ITGAM: variants seen among roughly 807,000 people sequenced by gnomAD.
ITGAM encodes the protein integrin subunit alpha M.
ITGAM carries 79 observed loss-of-function variants against 137.5 expected under a neutral mutation model. The ratio of observed to expected loss-of-function variants is 0.57; its 90% CI spans 0.48 to 0.69. The LOEUF (loss-of-function observed/expected upper bound fraction) is 0.69. Ranked by LOEUF, ITGAM falls within the 30% of genes least tolerant of loss-of-function variation. ITGAM has a pLI of 0.00. For synonymous variants in ITGAM, 583 were observed against 592.3 expected, an observed-to-expected ratio of 0.98 and a Z score of 0.23; for missense variants, 1,343 against 1,483.5, an observed-to-expected ratio of 0.91 and a Z score of 1.56.
At chr16:31,272,463 A>ATTTT (rs1157912736) in intron 7 of ITGAM, among the ~76,000 whole-genome samples, 1 of 10,892 alleles carries the variant, frequency 9.2e-5, no homozygotes, top group Non-Finnish European at 1.5e-4. Context: ...ATATATATAT[A>ATTTT]TTTTTTTTTT....
chr16:31,308,136 T>A (rs977588157), intron 14 of ITGAM, among the ~76,000 whole-genome samples: 3 of 152,218 alleles, frequency 2.0e-5, no homozygotes, highest in African/African-American at 7.2e-5. Context: ...CTGCCAGGCT[T>A]TGGTCTCAGG....
chr16:31,330,449 G>T lies in ITGAM; in HGVS notation c.3174+28G>T, dbSNP rs751870654. On this transcript the variant is annotated intron_variant, in intron 27 of 29. Transcript: ENST00000544665. ...GTGTGGGGTCCTGAGGCTTCGCCGG[G>T]CACAGGCGTGGTGCTCAGGGCCCAG... 3.1e-6 allele frequency: 5 copies of T among 1,610,664 alleles called. No homozygotes were observed. The East Asian group carries it at 1.1e-4, about 36-fold the overall frequency.
chr16:31,269,023 C>T (rs1012909783), intron 5 of ITGAM, among the ~76,000 whole-genome samples: 8 of 152,056 alleles, frequency 5.3e-5, no homozygotes, highest in Non-Finnish European at 1.0e-4. Flanking sequence ...TATTATCACT[C>T]GAATCAGTCT....
chr16:31,313,946 T>C (rs1238662662), intron 14 of ITGAM, among the ~76,000 whole-genome samples: 2 of 152,218 alleles, frequency 1.3e-5, no homozygotes, highest in Non-Finnish European at 2.9e-5. Flanking sequence ...TGGTATCTCA[T>C]TGTGGTTTTG....
chr16:31,331,352 C>G (rs755512283), intron 29 of ITGAM, 77 bp downstream of exon 29: 22 of 878,526 alleles, frequency 2.5e-5, no homozygotes, highest in South Asian at 4.3e-5. Flanking sequence ...TCGGTTTCCC[C>G]GGCGGGGCTG....
rs2080561320 is a variant in ITGAM, at chr16:31,330,164, G to T, written c.3060G>T (p.Val1020=). ...FLAELRKAPV[V]NCSIAVCQRI... ...CTGAGCTTCGGAAGGCCCCCGTGGT[G>T]GTGAGAAGCTAAGTCAGCCCCAGGG... Residue 1020 remains valine, a splice_region_variant and synonymous_variant, in exon 26 of 30, where the codon GTG becomes GTT. Transcript: ENST00000544665. 6.2e-7 allele frequency: 1 copy of T among 1,612,776 alleles called. No homozygotes were observed.
rs1597039014 is a variant in ITGAM, at chr16:31,325,393, T to C, written c.2494T>C (p.Ser832Pro). 1.2e-6 allele frequency: 2 copies of C among 1,613,242 alleles called. No individual in the cohort carries two copies. The highest frequency in any genetic ancestry group is 1.7e-6 in the Non-Finnish European group (2 of 1,179,426). The change falls in exon 20 of 30, where the codon TCC becomes CCC. Residue 832 changes from serine to proline, a missense_variant. Transcript: ENST00000544665. ...GCTTGACCTGTCCTACCGGAAGGTGTCCACGCTCCAGGTAGCCACATCCTT... is the reference window on the plus strand; with the variant it reads ...GCTTGACCTGTCCTACCGGAAGGTGCCCACGCTCCAGGTAGCCACATCCTT... ...FPLDLSYRKV[S>P]TLQNQRSQRS...
intron 12 of ITGAM, among the ~76,000 whole-genome samples, chr16:31,292,435 C>A (rs1392986003): frequency 6.6e-6 from 1 of 151,988 alleles, no homozygotes; most frequent in Non-Finnish European, 1.5e-5. Flanking sequence ...CTCAAGTAGA[C>A]CCCAGTGTCT....
At chr16:31,314,749 T>C (rs2080372332) in intron 14 of ITGAM, among the ~76,000 whole-genome samples, 1 of 152,078 alleles carries the variant, frequency 6.6e-6, no homozygotes, top group Admixed American at 6.6e-5. Flanking sequence ...AAAGTAGTTT[T>C]CACAAGATCA....
chr16:31,325,760 C>A, intron 21 of ITGAM, 138 bp downstream of exon 21: 1 of 1,079,194 alleles, frequency 9.3e-7, no homozygotes, highest in Non-Finnish European at 1.3e-6. Flanking sequence ...CCATCCAATT[C>A]ACCTATTTAA....
Position 31,326,892 on chromosome 16 carries a change from G to T in ITGAM, c.2665G>T (p.Ala889Ser). The T allele has an allele frequency of 6.2e-7, 1 of 1,613,420 alleles. No homozygotes were observed. Among genetic ancestry groups the T allele is most frequent in the Non-Finnish European group, 8.5e-7 (1 of 1,179,408 alleles). Residue 889 changes from alanine to serine, a missense_variant, in exon 22 of 30, where the codon GCT (alanine) becomes TCT (serine). Ala to Ser is a moderately conservative substitution (Grantham distance 99, BLOSUM62 1). Transcript: ENST00000544665. The stretch of plus-strand genomic sequence containing the variant: ...TATCACGTTTGATGTAGACTCTAAG[G>T]CTTCCCTTGGAAACAAACTGCTCCT... ...FNITFDVDSK[A>S]SLGNKLLLKA...
intron 12 of ITGAM, among the ~76,000 whole-genome samples, chr16:31,284,529 C>T (rs969669816): frequency 7.9e-5 from 12 of 152,152 alleles, no homozygotes; most frequent in East Asian, 1.9e-4. Flanking sequence ...CTGAGCCAGA[C>T]GCGGGATATA....
chr16:31,270,735 A>G lies in ITGAM; in HGVS notation c.428-219A>G, dbSNP rs1342215475. On this transcript the variant is annotated intron_variant, in intron 5 of 29. Transcript: ENST00000544665. ...TATATATATATATATATATATATAT[A>G]TATATATATGTTTTTAACGTGTGTA... Among the ~76,000 whole-genome samples the G allele has an allele frequency of 8.0e-4, 90 of 112,810 alleles. 6 individuals carry two copies. Among genetic ancestry groups the G allele is most frequent in the African/African-American group, 3.4e-3 (89 of 26,434 alleles). The allele number at this position is 112,810 out of a possible 152,430, so 74.0% of individuals were successfully genotyped here. A position where few individuals can be genotyped will look rare whatever the true frequency, so the allele number is the denominator to read the frequency against.
At chr16:31,304,840 C>T (rs1257976183) in intron 14 of ITGAM, among the ~76,000 whole-genome samples, 2 of 152,068 alleles carry the variant, frequency 1.3e-5, no homozygotes, top group Non-Finnish European at 2.9e-5. Context: ...ATACCAGTAC[C>T]ATGCTGTTTT....
At chr16:31,329,768 A>T (rs1377477903) in intron 24 of ITGAM, 30 bp from the exon 25 acceptor site, 6 of 1,532,716 alleles carry the variant, frequency 3.9e-6, no homozygotes, top group Admixed American at 3.9e-5. Flanking sequence ...GAGGAAGGCC[A>T]GAGCCCTGAC....
Position 31,324,666 on chromosome 16 carries a change from C to CCCATTGTGCTGTG in ITGAM, c.2174_2175insCATTGTGCTGTGC (p.Val726IlefsTer46). ...TATCTCTTAGAATTGCATCGAGGACCCAGTGAGCCCCATTGTGCTGCGCCT... is the reference window on the plus strand; with the variant it reads ...TATCTCTTAGAATTGCATCGAGGACCCCATTGTGCTGTGCAGTGAGCCCCATTGTGCTGCGCCT... On this transcript the variant is annotated frameshift_variant, in exon 18 of 30. Transcript: ENST00000544665. LOFTEE classifies it high-confidence loss of function. The surrounding 1 kb of genome is among the most constrained non-coding windows in gnomAD (Gnocchi z 4.5). 6.2e-7 allele frequency: 1 copy of CCCATTGTGCTGTG among 1,600,406 alleles called. No individual in the cohort carries two copies.
At chr16:31,321,112 G>A (rs2080444533) in intron 14 of ITGAM, 129 bp from the exon 15 acceptor site, 1 of 977,106 alleles carries the variant, frequency 1.0e-6, no homozygotes, top group African/African-American at 1.6e-5. Flanking sequence ...TAGTTCCTTG[G>A]TTAGTTGCAA....
chr16:31,268,799 C>T (rs374224715), intron 5 of ITGAM, among the ~76,000 whole-genome samples: 149 of 152,260 alleles, frequency 9.8e-4, no homozygotes, highest in Middle Eastern at 3.4e-3. Context: ...TTCCATCAAA[C>T]GGCATTCCTG....
At chr16:31,312,283 TATA>T (rs1267570923) in intron 14 of ITGAM, among the ~76,000 whole-genome samples, 1 of 151,942 alleles carries the variant, frequency 6.6e-6, no homozygotes, top group Non-Finnish European at 1.5e-5. Flanking sequence ...CTTAAAGTAT[TATA>T]ATAATAAAAA....
Sources: gnomAD v4.1 joint callset for allele counts (sites outside exome capture counted in the v4.1 genomes callset) on GRCh38, gnomAD v4.1.1 for gene constraint, Gnocchi (gnomAD v3.1) non-coding constraint, MANE v1.5 for transcripts, NCBI Gene and HGNC (gene_info 2026-07-23, HGNC 2026-07-21) for gene names.